Variants in SPATA6 observed in about 807,000 individuals in gnomAD.
The protein encoded by SPATA6 is spermatogenesis-associated protein 6.
In SPATA6, 56 loss-of-function variants were observed where a neutral mutation model predicts 65.3. The observed-to-expected ratio is 0.86, with a 90% confidence interval of 0.69 to 1.07. The LOEUF is 1.07. Among genes scored for constraint, SPATA6 ranks in the 50% least tolerant of loss-of-function variants. SPATA6 has a pLI of 0.00. For synonymous variants in SPATA6, 199 were observed against 213.2 expected, an observed-to-expected ratio of 0.93 and a Z score of 0.58; for missense variants, 590 against 594.8, an observed-to-expected ratio of 0.99 and a Z score of 0.08.
chr1:48,346,955 A>T (rs926622958), intron 11 of SPATA6, among the ~76,000 whole-genome samples: 2 of 151,982 alleles, frequency 1.3e-5, no homozygotes, highest in Non-Finnish European at 2.9e-5. Flanking sequence ...CTTCACAGAA[A>T]TAGAAAAAAT....
chr1:48,380,261 T>G (rs1323014044), intron 9 of SPATA6, among the ~76,000 whole-genome samples: 2 of 152,254 alleles, frequency 1.3e-5, no homozygotes, highest in African/African-American at 4.8e-5. Flanking sequence ...AACTAACTAC[T>G]ATGTACCTAC....
rs540308810 is a variant in SPATA6, at chr1:48,418,688, C to A, written c.239-5537G>T. The stretch of plus-strand genomic sequence containing the variant: ...ACAGTGAGCTGAGACTGCCACCGCA[C>A]TCCAGCCTGGGCAACAAAACAAGAC... On this transcript the variant is annotated intron_variant, in intron 3 of 12. Coordinates refer to ENST00000371847, the MANE Select transcript of SPATA6 (RefSeq NM_019073.4). 2.7e-5 allele frequency among the ~76,000 whole-genome samples: 4 copies of A among 150,444 alleles called. No individual in the cohort carries two copies. The South Asian group carries it at 8.5e-4, about 32-fold the overall frequency.
At position 48,356,510 on chromosome 1, in the gene SPATA6, CTTTT is replaced by C. The variant is rs910154922; in HGVS notation, c.1095-745_1095-742del. Reference sequence around the variant, plus strand: ...TTGTTTTCTTCCCAGTTTGTCCTTTCTTTTTTTTTTTTTTTTTTTTTGACACGGA... The same window carrying C: ...TTGTTTTCTTCCCAGTTTGTCCTTTCTTTTTTTTTTTTTTTTTGACACGGA... On this transcript the variant is annotated intron_variant, in intron 10 of 12. Transcript: ENST00000371847. Among the ~76,000 whole-genome samples the C allele has an allele frequency of 4.7e-3, 580 of 122,718 alleles. 7 individuals are homozygous for C. In the South Asian group the frequency reaches 0.054, roughly 11 times the overall value. 80.5% of individuals were successfully genotyped at this position (122,718 alleles called of 152,430 possible).
chr1:48,366,626 G>C (rs939676683), intron 9 of SPATA6, among the ~76,000 whole-genome samples: 1 of 152,190 alleles, frequency 6.6e-6, no homozygotes, highest in Non-Finnish European at 1.5e-5. Flanking sequence ...GTATTTCTGT[G>C]TGATCGGTGG....
chr1:48,387,482 CCATCACAGATGGCAGCATCA>C (rs1469489380), intron 8 of SPATA6, among the ~76,000 whole-genome samples: 1 of 152,162 alleles, frequency 6.6e-6, no homozygotes, highest in Non-Finnish European at 1.5e-5. Context: ...AGCTAGGGTG[CCATCACAGATGGCAGCATCA>C]TCTCCAGCCC....
the SPATA6 span, among the ~76,000 whole-genome samples, chr1:48,280,186 T>C: frequency 6.6e-6 from 1 of 151,970 alleles, no homozygotes; most frequent in Non-Finnish European, 1.5e-5. Flanking sequence ...CAAAGCAGTG[T>C]GTAGCGGGAA....
the SPATA6 span, among the ~76,000 whole-genome samples, chr1:48,266,557 G>GA: frequency 3.3e-5 from 5 of 152,004 alleles, no homozygotes; most frequent in African/African-American, 7.2e-5. Context: ...TATTATTTAT[G>GA]AAAAAAAGCT....
chr1:48,431,099 C>G (rs1454049949), intron 3 of SPATA6, among the ~76,000 whole-genome samples: 1 of 151,774 alleles, frequency 6.6e-6, no homozygotes, highest in Non-Finnish European at 1.5e-5. Flanking sequence ...CAAAAAGTAA[C>G]TAAAAGAGAG....
intron 3 of SPATA6, among the ~76,000 whole-genome samples, chr1:48,430,842 G>A (rs1402544363): frequency 6.6e-6 from 1 of 152,014 alleles, no homozygotes; most frequent in African/African-American, 2.4e-5. Context: ...CACAAAAGAA[G>A]ACAGTAATGC....
the SPATA6 span, among the ~76,000 whole-genome samples, chr1:48,266,384 C>T: frequency 6.6e-6 from 1 of 152,066 alleles, no homozygotes; most frequent in Non-Finnish European, 1.5e-5. Context: ...ACACTCCCAC[C>T]GTGTGACCCA....
chr1:48,413,194 A>G, intron 3 of SPATA6, 43 bp from the exon 4 acceptor site: 2 of 1,201,540 alleles, frequency 1.7e-6, no homozygotes, highest in Non-Finnish European at 2.2e-6. Flanking sequence ...ACAAATTAAT[A>G]ACAAAAAAAT....
At chr1:48,282,289 C>G in the SPATA6 span, among the ~76,000 whole-genome samples, 1 of 152,148 alleles carries the variant, frequency 6.6e-6, no homozygotes, top group South Asian at 2.1e-4. Context: ...GATTTCATGT[C>G]TAAAACACCA....
At chr1:48,332,435 C>T (rs1645942980) in intron 11 of SPATA6, among the ~76,000 whole-genome samples, 1 of 152,062 alleles carries the variant, frequency 6.6e-6, no homozygotes, top group Non-Finnish European at 1.5e-5. Context: ...AGTATGCCAT[C>T]CTAATTTCAG....
Position 48,359,699 on chromosome 1 carries a change from C to G in SPATA6, c.981G>C (p.Arg327Ser). Reference protein sequence around the residue: ...LEKCEEYLSPRSCSKPRHSAR... With the variant: ...LEKCEEYLSPSSCSKPRHSAR... ...CTGAATGCCGGGGCTTACTACACGA[C>G]CTTGGGCTCAAATACTCTTCACATT... is the stretch of plus-strand genomic sequence containing the variant. The change falls in exon 10 of 13, where the codon AGG becomes AGC. Residue 327 changes from arginine to serine, a missense_variant. Coordinates refer to ENST00000371847, the MANE Select transcript of SPATA6 (RefSeq NM_019073.4). 6.2e-7 allele frequency: 1 copy of G among 1,613,698 alleles called. No homozygotes were observed. The highest frequency in any genetic ancestry group is 1.1e-5 in the South Asian group (1 of 91,060).
chr1:48,411,199 T>G lies in SPATA6; in HGVS notation c.405+265A>C, dbSNP rs997372027. ...AAAAATTTTTAATGGCACTTTTTAT[T>G]AAATTATTTTCATTTAGATTTCAAT... On this transcript the variant is annotated intron_variant, in intron 5 of 12. Coordinates refer to ENST00000371847, the MANE Select transcript of SPATA6 (RefSeq NM_019073.4). Among the ~76,000 whole-genome samples, 7 of 152,218 alleles carry G rather than the reference T, an allele frequency of 4.6e-5. No individual in the cohort carries two copies. The East Asian group carries it at 1.3e-3, about 29-fold the overall frequency.
At chr1:48,434,351 G>A (rs1282437731) in intron 3 of SPATA6, among the ~76,000 whole-genome samples, 3 of 151,244 alleles carry the variant, frequency 2.0e-5, no homozygotes, top group Non-Finnish European at 4.4e-5. Context: ...TAATATGTCA[G>A]TGCTAGAAAG....
intron 3 of SPATA6, among the ~76,000 whole-genome samples, chr1:48,439,391 G>A (rs562535814): frequency 6.6e-6 from 1 of 152,310 alleles, no homozygotes; most frequent in East Asian, 1.9e-4. Flanking sequence ...CGGGTTCTTG[G>A]GCAAGAGGGG....
the SPATA6 span, among the ~76,000 whole-genome samples, chr1:48,266,824 A>G: frequency 6.6e-6 from 1 of 152,184 alleles, no homozygotes; most frequent in Non-Finnish European, 1.5e-5. Flanking sequence ...GCCAAAACAC[A>G]TTCTTTATGC....
At chr1:48,394,629 C>T (rs1557659128) in intron 8 of SPATA6, among the ~76,000 whole-genome samples, 1 of 151,942 alleles carries the variant, frequency 6.6e-6, no homozygotes, top group African/African-American at 2.4e-5. Flanking sequence ...AGAGATGAAG[C>T]TCACTCAATG....
Sources: gnomAD v4.1 joint callset for allele counts (sites outside exome capture counted in the v4.1 genomes callset) on GRCh38, gnomAD v4.1.1 for gene constraint, MANE v1.5 for transcripts, NCBI Gene and HGNC (gene_info 2026-07-23, HGNC 2026-07-21) for gene names.